The following CDKAL1 variants were observed in gnomAD, a reference collection of about 807,000 sequenced individuals.
The protein encoded by CDKAL1 is threonylcarbamoyladenosine tRNA methylthiotransferase.
A neutral mutation model predicts 68.2 loss-of-function variants in CDKAL1; 32 were observed. The ratio of observed to expected loss-of-function variants is 0.47; its 90% CI spans 0.35 to 0.63. The LOEUF is 0.63. Among genes scored for constraint, CDKAL1 ranks in the 30% least tolerant of loss-of-function variants. The pLI, the probability that CDKAL1 is intolerant of heterozygous loss-of-function variation, is 0.00. For missense variants in CDKAL1, 606 were observed against 696.7 expected (o/e 0.87, Z 1.47); for synonymous variants, 234 against 244.3 (o/e 0.96, Z 0.39).
In CDKAL1 at chr6:21,003,371, T is replaced by TATATAC; in HGVS notation, c.1055+3000_1055+3001insTATACA. Among the ~76,000 whole-genome samples, 286 of 49,272 alleles carry TATATAC rather than the reference T, an allele frequency of 5.8e-3. 12 individuals carry two copies. The highest frequency in any genetic ancestry group is 0.028 in the African/African-American group (260 of 9,150). 32.3% of individuals were successfully genotyped at this position (49,272 alleles called of 152,430 possible). On this transcript the variant is annotated intron_variant, in intron 11 of 15. Transcript: ENST00000274695. ...ATATATATATATATATATATATATA[T>TATATAC]ACACACACACACACACACATATATA...
chr6:20,596,225 A>G (rs1313998833), intron 4 of CDKAL1, among the ~76,000 whole-genome samples: 1 of 152,132 alleles, frequency 6.6e-6, no homozygotes, highest in Non-Finnish European at 1.5e-5. Flanking sequence ...CAGAGCCGGC[A>G]GGCAGGAATG....
At chr6:21,230,375 TG>T (rs2151132331) in intron 15 of CDKAL1, among the ~76,000 whole-genome samples, 1 of 152,358 alleles carries the variant, frequency 6.6e-6, no homozygotes, top group South Asian at 2.1e-4. Flanking sequence ...TTGGCCAGGC[TG>T]GTCTCAAACC....
intron 13 of CDKAL1, among the ~76,000 whole-genome samples, chr6:21,190,004 A>G (rs1778170189): frequency 1.3e-5 from 2 of 152,224 alleles, no homozygotes; most frequent in South Asian, 4.1e-4. Context: ...GTTCACTGGC[A>G]ACATTACACT....
At chr6:20,590,106 T>C (rs1561947567) in intron 4 of CDKAL1, among the ~76,000 whole-genome samples, 1 of 152,228 alleles carries the variant, frequency 6.6e-6, no homozygotes, top group Non-Finnish European at 1.5e-5. Flanking sequence ...AGGCTGCTTA[T>C]TGTATTGTAC....
rs1554139689 is a variant in CDKAL1, at chr6:20,913,158, C to CAT, written c.743-42260_743-42259dup. Among the ~76,000 whole-genome samples the CAT allele has an allele frequency of 3.3e-3, 486 of 145,808 alleles. 1 individual carries two copies. Among genetic ancestry groups the CAT allele is most frequent in the Non-Finnish European group, 3.9e-3 (261 of 66,846 alleles). Reference sequence around the variant, plus strand: ...ACACACACACACACACACACACACACATTACCACAAATGTAGAAGCTTAAA... The same window carrying CAT: ...ACACACACACACACACACACACACACATATTACCACAAATGTAGAAGCTTAAA... On this transcript the variant is annotated intron_variant, in intron 9 of 15. Transcript: ENST00000274695.
intron 5 of CDKAL1, among the ~76,000 whole-genome samples, chr6:20,721,319 C>T (rs1222873980): frequency 6.6e-6 from 1 of 152,158 alleles, no homozygotes; most frequent in Non-Finnish European, 1.5e-5. Flanking sequence ...GCATAGTATT[C>T]CATGGCTTTT....
intron 4 of CDKAL1, among the ~76,000 whole-genome samples, chr6:20,567,740 G>A (rs1023853655): frequency 6.6e-6 from 1 of 152,070 alleles, no homozygotes; most frequent in African/African-American, 2.4e-5. Context: ...TAGAGACGAG[G>A]TTTTACTTTG....
At chr6:20,737,058 C>T (rs1216316319) in intron 5 of CDKAL1, among the ~76,000 whole-genome samples, 1 of 152,124 alleles carries the variant, frequency 6.6e-6, no homozygotes, top group Non-Finnish European at 1.5e-5. Flanking sequence ...TCTCATTCTC[C>T]CAATTACAGA....
chr6:21,059,821 T>C (rs1284904956), intron 11 of CDKAL1, among the ~76,000 whole-genome samples: 1 of 152,192 alleles, frequency 6.6e-6, no homozygotes, highest in Non-Finnish European at 1.5e-5. Flanking sequence ...ATGGATGATC[T>C]ATATAGGGTG....
chr6:21,071,697 G>A (rs548901779), intron 12 of CDKAL1, among the ~76,000 whole-genome samples: 1 of 151,260 alleles, frequency 6.6e-6, no homozygotes, highest in African/African-American at 2.4e-5. Context: ...AAAACCTGTA[G>A]ATTCTAGGCT....
chr6:20,675,019 G>T (rs1283092741), intron 5 of CDKAL1, among the ~76,000 whole-genome samples: 1 of 151,644 alleles, frequency 6.6e-6, no homozygotes, highest in African/African-American at 2.4e-5. Flanking sequence ...AGTGTTAGTA[G>T]ATTTTCTAAT....
rs551093542 is a variant in CDKAL1, at chr6:20,959,798, T to G, written c.909+4213T>G. Among the ~76,000 whole-genome samples, 6 of 152,172 alleles carry G rather than the reference T, an allele frequency of 3.9e-5. No homozygotes were observed. The South Asian group carries it at 1.2e-3, about 32-fold the overall frequency. ...TCCTCTTTAATGAACTCTGACCTTG[T>G]AGAAAGTGAAGCGGTTTATGAATTT... On this transcript the variant is annotated intron_variant, in intron 10 of 15. Transcript: ENST00000274695.
At chr6:20,658,174 T>A (rs1769116843) in intron 5 of CDKAL1, among the ~76,000 whole-genome samples, 3 of 152,204 alleles carry the variant, frequency 2.0e-5, no homozygotes, top group Admixed American at 2.0e-4. Context: ...AATAAACACA[T>A]CTTGTGTGTC....
Position 20,748,784 on chromosome 6 carries a change from C to T in CDKAL1, c.468+9169C>T, listed in dbSNP as rs965043201. Among the ~76,000 whole-genome samples, 10 of 137,278 alleles carry T rather than the reference C, an allele frequency of 7.3e-5. No homozygotes were observed. In the East Asian group the frequency reaches 1.9e-3, roughly 27 times the overall value. The allele number at this position is 137,278 out of a possible 152,430, so 90.1% of individuals were successfully genotyped here. On this transcript the variant is annotated intron_variant, in intron 6 of 15. Transcript: ENST00000274695. ...TCTCTTTATGGTGTTGGGAATGAAACTGGACCTAGATATCACTTTTTCCTT... is the reference window on the plus strand; with the variant it reads ...TCTCTTTATGGTGTTGGGAATGAAATTGGACCTAGATATCACTTTTTCCTT...
chr6:20,712,290 A>C (rs1025229249), intron 5 of CDKAL1, among the ~76,000 whole-genome samples: 1 of 152,198 alleles, frequency 6.6e-6, no homozygotes, highest in Admixed American at 6.5e-5. Flanking sequence ...CAAAGTTGCA[A>C]TGGTCAGGAA....
intron 7 of CDKAL1, among the ~76,000 whole-genome samples, chr6:20,760,576 G>T (rs1401710632): frequency 6.6e-6 from 1 of 152,164 alleles, no homozygotes; most frequent in Non-Finnish European, 1.5e-5. Flanking sequence ...ACAGCATTGG[G>T]ATTTGAATCC....
chr6:20,784,675 G>C (rs945329421), intron 8 of CDKAL1, among the ~76,000 whole-genome samples: 1 of 151,272 alleles, frequency 6.6e-6, no homozygotes, highest in Admixed American at 6.6e-5. Context: ...CACGCACCTC[G>C]GTCTCCCAAA....
chr6:21,020,731 T>C (rs1442644474), intron 11 of CDKAL1, among the ~76,000 whole-genome samples: 1 of 151,584 alleles, frequency 6.6e-6, no homozygotes. Flanking sequence ...CCTCCCAAAG[T>C]GCTGGAATTA....
intron 10 of CDKAL1, among the ~76,000 whole-genome samples, chr6:20,989,823 CAT>C (rs1447004918): frequency 6.6e-6 from 1 of 152,080 alleles, no homozygotes; most frequent in African/African-American, 2.4e-5. Context: ...TTGAGTTTTT[CAT>C]ATGTGTTCCA....
Sources: allele counts gnomAD v4.1 joint callset (sites outside exome capture counted in the v4.1 genomes callset), GRCh38; gene constraint gnomAD v4.1.1; transcripts MANE v1.5; gene names NCBI Gene and HGNC (gene_info 2026-07-23, HGNC 2026-07-21).